The following AP1B1 variants were observed in gnomAD, a reference collection of about 807,000 sequenced individuals.
The protein encoded by AP1B1 is AP-1 complex subunit beta-1.
Under a neutral mutation model 104.3 loss-of-function variants are expected in AP1B1, and 36 were observed. That is an observed-to-expected ratio of 0.35 (90% CI 0.26 to 0.46). AP1B1 has a LOEUF of 0.46. Ranked by LOEUF, AP1B1 falls within the 20% of genes least tolerant of loss-of-function variation. The pLI is 1.00. For synonymous variants in AP1B1, 504 were observed against 517.5 expected, an observed-to-expected ratio of 0.97 and a Z score of 0.35; for missense variants, 901 against 1,247.9, an observed-to-expected ratio of 0.72 and a Z score of 4.19.
Position 29,327,888 on chromosome 22 carries a change from A to G in AP1B1, c.*933T>C, listed in dbSNP as rs2061502674. 6.6e-6 allele frequency: 1 copy of G among 152,372 alleles called. No homozygotes were observed. The highest frequency in any genetic ancestry group is 1.9e-4 in the East Asian group (1 of 5,186). The allele number at this position is 152,372 out of a possible 1,614,324, so 9.4% of individuals were successfully genotyped here. On this transcript the variant is annotated 3_prime_UTR_variant, in exon 23 of 23. Coordinates refer to ENST00000357586, the MANE Select transcript of AP1B1 (RefSeq NM_001127.4). The stretch of plus-strand genomic sequence containing the variant: ...AAGCCGAATCTTTCTTTATTATTAC[A>G]CAGCAGTAACAGGAAAACCTAATGC...
chr22:29,330,564 G>A, intron 20 of AP1B1, 32 bp from the exon 21 acceptor site: 1 of 1,610,620 alleles, frequency 6.2e-7, no homozygotes, highest in Non-Finnish European at 8.5e-7. Flanking sequence ...AGAGGCCCCA[G>A]TCAGCGCGGG....
In AP1B1 at chr22:29,349,894, T is replaced by C. The variant is rs996863662; in HGVS notation, c.1271+141A>G. ...TAGAGGAGGGGCAGTGTGGACGAAATAAAAAACAAAGGGTTTCTTTTGAGA... is the reference window on the plus strand; with the variant it reads ...TAGAGGAGGGGCAGTGTGGACGAAACAAAAAACAAAGGGTTTCTTTTGAGA... On this transcript the variant is annotated intron_variant, in intron 10 of 22. Transcript: ENST00000357586. The C allele has an allele frequency of 8.4e-6, 6 of 715,760 alleles. No individual in the cohort carries two copies. In the East Asian group the frequency reaches 1.6e-4, roughly 19 times the overall value. The allele number at this position is 715,760 out of a possible 1,614,324, so 44.3% of individuals were successfully genotyped here. A position where few individuals can be genotyped will look rare whatever the true frequency, so the allele number is the denominator to read the frequency against.
intron 18 of AP1B1, 101 bp from the exon 19 acceptor site, chr22:29,331,634 T>C (rs2061559777): frequency 6.4e-7 from 1 of 1,574,630 alleles, no homozygotes; most frequent in South Asian, 1.1e-5. Flanking sequence ...GGGCCTTCCC[T>C]GGTAAACACA....
In AP1B1 at chr22:29,361,038, G is replaced by A. The variant is rs564983894; in HGVS notation, c.144-1079C>T. On this transcript the variant is annotated intron_variant, in intron 3 of 22. Transcript: ENST00000357586. ...GAAAAACTGCTGATGAGGCCGACTC[G>A]CTCTTTGGGGCTTATCATATCAGCA... Among the ~76,000 whole-genome samples the A allele has an allele frequency of 2.3e-3, 346 of 152,286 alleles. 6 individuals carry two copies. The East Asian group carries it at 0.031, about 13-fold the overall frequency.
chr22:29,373,681 T>A (rs1271697007), intron 1 of AP1B1, among the ~76,000 whole-genome samples: 3 of 152,046 alleles, frequency 2.0e-5, no homozygotes, highest in Non-Finnish European at 4.4e-5. Flanking sequence ...GGCGGGTGGA[T>A]CACCTGCGGC....
chr22:29,377,290 A>G (rs563538688), intron 1 of AP1B1, among the ~76,000 whole-genome samples: 3 of 152,198 alleles, frequency 2.0e-5, no homozygotes, highest in African/African-American at 7.2e-5. Flanking sequence ...GGCCAGCTGG[A>G]AGACTAAAAG....
intron 3 of AP1B1, 86 bp downstream of exon 3, chr22:29,362,915 C>T: frequency 1.3e-6 from 1 of 751,022 alleles, no homozygotes; most frequent in Non-Finnish European, 2.5e-6. Flanking sequence ...CCTAGACACC[C>T]TAAAGGAGAG....
intron 7 of AP1B1, 66 bp from the exon 8 acceptor site, chr22:29,351,891 C>A: frequency 6.3e-7 from 1 of 1,586,956 alleles, no homozygotes; most frequent in Non-Finnish European, 8.6e-7. Context: ...AAAATGCCCT[C>A]CACATTTGCT....
At chr22:29,377,853 G>A (rs2148047679) in intron 1 of AP1B1, among the ~76,000 whole-genome samples, 1 of 151,880 alleles carries the variant, frequency 6.6e-6, no homozygotes, top group South Asian at 2.1e-4. Flanking sequence ...AATCCATGAA[G>A]GTTTTAATAT....
In AP1B1 at chr22:29,328,649, G is replaced by C; in HGVS notation, c.*172C>G. The stretch of plus-strand genomic sequence containing the variant: ...AGTGCACTGCGCTCTCACCCCAGGA[G>C]GGGGTGGTGCCCTACCCCAGGGATC... On this transcript the variant is annotated 3_prime_UTR_variant, in exon 23 of 23. Coordinates refer to ENST00000357586, the MANE Select transcript of AP1B1 (RefSeq NM_001127.4). The surrounding 1 kb of genome is among the most constrained non-coding windows in gnomAD (Gnocchi z 4.1). 2 of 746,920 alleles carry C rather than the reference G, an allele frequency of 2.7e-6. No homozygotes were observed. The highest frequency in any genetic ancestry group is 1.8e-5 in the South Asian group (1 of 54,844). 46.3% of individuals were successfully genotyped at this position (746,920 alleles called of 1,614,324 possible). A position where few individuals can be genotyped will look rare whatever the true frequency, so the allele number is the denominator to read the frequency against.
Position 29,328,765 on chromosome 22 carries a change from C to T in AP1B1, c.*56G>A, listed in dbSNP as rs2061512866. 7 of 1,566,884 alleles carry T rather than the reference C, an allele frequency of 4.5e-6. No individual in the cohort carries two copies. The highest frequency in any genetic ancestry group is 1.3e-5 in the African/African-American group (1 of 74,392). On this transcript the variant is annotated 3_prime_UTR_variant, in exon 23 of 23. Transcript: ENST00000357586. The surrounding 1 kb of genome is among the most constrained non-coding windows in gnomAD (Gnocchi z 4.1). ...TGCGAGGAGGAAGATGTGCTGCCCC[C>T]GAGGGGCCTCCTCGATGGGGCGGGC...
chr22:29,357,712 G>C lies in AP1B1; in HGVS notation c.525+1014C>G, dbSNP rs535338499. Among the ~76,000 whole-genome samples the C allele has an allele frequency of 2.2e-5, 3 of 134,386 alleles. No individual in the cohort carries two copies. In the South Asian group the frequency reaches 7.0e-4, roughly 32 times the overall value. The allele number at this position is 134,386 out of a possible 152,430, so 88.2% of individuals were successfully genotyped here. A position where few individuals can be genotyped will look rare whatever the true frequency, so the allele number is the denominator to read the frequency against. Reference sequence around the variant, plus strand: ...TGTTTTTTTTTTTTTTTTTGAGACGGAGTCTAGCTCTGTCGCCAGGCTGGA... The same window carrying C: ...TGTTTTTTTTTTTTTTTTTGAGACGCAGTCTAGCTCTGTCGCCAGGCTGGA... On this transcript the variant is annotated intron_variant, in intron 5 of 22. Coordinates refer to ENST00000357586, the MANE Select transcript of AP1B1 (RefSeq NM_001127.4).
intron 3 of AP1B1, among the ~76,000 whole-genome samples, chr22:29,360,858 T>C (rs556238487): frequency 4.6e-5 from 7 of 152,224 alleles, no homozygotes; most frequent in African/African-American, 1.2e-4. Context: ...CCCTCTCAAT[T>C]CTTATGTGTT....
intron 17 of AP1B1, 108 bp downstream of exon 17, chr22:29,334,157 C>T: frequency 1.7e-6 from 2 of 1,167,292 alleles, no homozygotes; most frequent in Non-Finnish European, 2.4e-6. Context: ...GGGCACTGCC[C>T]TCCCCTCTAC....
chr22:29,355,532 C>T (rs1305176569), intron 6 of AP1B1, among the ~76,000 whole-genome samples: 1 of 152,046 alleles, frequency 6.6e-6, no homozygotes, highest in African/African-American at 2.4e-5. Flanking sequence ...CTTGATAACC[C>T]CTAGCAGGTT....
intron 11 of AP1B1, among the ~76,000 whole-genome samples, chr22:29,347,292 C>T (rs545970730): frequency 4.0e-4 from 61 of 152,222 alleles, no homozygotes; most frequent in Non-Finnish European, 7.9e-4. Flanking sequence ...TTGGCCCAAA[C>T]CAACACTACC....
rs1197814238 is a variant in AP1B1, at chr22:29,328,985, A to G, written c.2776-90T>C. ...GGGGTGGGGAAGAGAGCAGGAACCA[A>G]TGGGACAGCGTGGAGTGCACACAGC... is the stretch of plus-strand genomic sequence containing the variant. On this transcript the variant is annotated intron_variant, in intron 22 of 22. Coordinates refer to ENST00000357586, the MANE Select transcript of AP1B1 (RefSeq NM_001127.4). The surrounding 1 kb of genome is among the most constrained non-coding windows in gnomAD (Gnocchi z 4.1). 3 of 1,539,464 alleles carry G rather than the reference A, an allele frequency of 1.9e-6. No individual in the cohort carries two copies. Among genetic ancestry groups the G allele is most frequent in the Non-Finnish European group, 2.6e-6 (3 of 1,145,022 alleles).
At chr22:29,367,162 G>C (rs762030362) in intron 2 of AP1B1, 45 bp downstream of exon 2, 1 of 1,590,352 alleles carries the variant, frequency 6.3e-7, no homozygotes, top group Non-Finnish European at 8.6e-7. Flanking sequence ...AGAAGGGACA[G>C]GAAGAGAAAG....
rs1163615819 is a variant in AP1B1, at chr22:29,357,663, C to G, written c.526-1047G>C. 2.6e-5 allele frequency among the ~76,000 whole-genome samples: 4 copies of G among 151,394 alleles called. 1 individual carries two copies. The highest frequency in any genetic ancestry group is 5.9e-5 in the Non-Finnish European group (4 of 67,914). On this transcript the variant is annotated intron_variant, in intron 5 of 22. Transcript: ENST00000357586. ...TTACAGGCATGTAATCCTGTATGAG[C>G]CACTGCGCGCGGCCTCAGGCAGCTG...
Sources: allele counts gnomAD v4.1 joint callset (sites outside exome capture counted in the v4.1 genomes callset), GRCh38; gene constraint gnomAD v4.1.1; non-coding constraint Gnocchi (gnomAD v3.1); transcripts MANE v1.5; gene names NCBI Gene and HGNC (gene_info 2026-07-23, HGNC 2026-07-21).